SORCS2: variants seen among roughly 807,000 people sequenced by gnomAD.
SORCS2 encodes the protein VPS10 domain-containing receptor SorCS2.
Under a neutral mutation model 141.6 loss-of-function variants are expected in SORCS2, and 100 were observed. That is an observed-to-expected ratio of 0.71 (90% CI 0.60 to 0.83). The LOEUF is 0.83. SORCS2 is among the 40% of genes least tolerant of loss of function. The pLI, the probability that SORCS2 is intolerant of heterozygous loss-of-function variation, is 0.00. For synonymous variants in SORCS2, 789 were observed against 676.9 expected (o/e 1.17, Z -2.57); for missense variants, 1,646 against 1,560.2 (o/e 1.05, Z -0.93).
In SORCS2 at chr4:7,364,567, A is replaced by G. The variant is rs560833427; in HGVS notation, c.481-31721A>G. ...CTCCTCCTTCCTTGGGGCAATGCTC[A>G]TGGGTCAGGATGAGGTAAAGGGTCT... On this transcript the variant is annotated intron_variant, in intron 1 of 26. Transcript: ENST00000507866. Among the ~76,000 whole-genome samples the G allele has an allele frequency of 4.6e-5, 7 of 152,224 alleles. No homozygotes were observed. The South Asian group carries it at 1.2e-3, about 27-fold the overall frequency.
intron 2 of SORCS2, among the ~76,000 whole-genome samples, chr4:7,449,723 C>T (rs2109288572): frequency 6.6e-6 from 1 of 152,214 alleles, no homozygotes; most frequent in Middle Eastern, 3.4e-3. Context: ...AGCGGCTTCT[C>T]AGAAGACAGA....
At chr4:7,658,930 A>G (rs1194815535) in intron 5 of SORCS2, among the ~76,000 whole-genome samples, 1 of 152,240 alleles carries the variant, frequency 6.6e-6, no homozygotes, top group African/African-American at 2.4e-5. Flanking sequence ...CCTGCCCCCA[A>G]CGCTGAGTGG....
At chr4:7,481,966 C>CT (rs778424851) in intron 2 of SORCS2, among the ~76,000 whole-genome samples, 5 of 120,602 alleles carry the variant, frequency 4.1e-5, no homozygotes, top group African/African-American at 8.7e-5. Context: ...ACACCCCTGA[C>CT]GCTGTTCAGA....
chr4:7,328,835 C>T (rs544365658), intron 1 of SORCS2, among the ~76,000 whole-genome samples: 2 of 152,244 alleles, frequency 1.3e-5, no homozygotes, highest in African/African-American at 2.4e-5. Flanking sequence ...CAGCCCATCT[C>T]TACCGTCCCT....
intron 3 of SORCS2, among the ~76,000 whole-genome samples, chr4:7,606,873 T>G (rs1214786825): frequency 2.0e-5 from 3 of 152,308 alleles, no homozygotes; most frequent in East Asian, 3.9e-4. Flanking sequence ...TAATTACTTT[T>G]GCACCAACCT....
chr4:7,585,289 C>T (rs1053327571), intron 3 of SORCS2, among the ~76,000 whole-genome samples: 60 of 152,268 alleles, frequency 3.9e-4, no homozygotes, highest in Admixed American at 3.5e-3. Context: ...AGCTCTAGTG[C>T]GGCCTGCATT....
chr4:7,733,255 T>A, intron 23 of SORCS2, 67 bp from the exon 24 acceptor site: 1 of 994,096 alleles, frequency 1.0e-6, no homozygotes, highest in Non-Finnish European at 1.3e-6. Context: ...GAGGACCCCA[T>A]CCCCCTTCCC....
intron 2 of SORCS2, among the ~76,000 whole-genome samples, chr4:7,460,851 C>G (rs1186273054): frequency 6.6e-6 from 1 of 152,208 alleles, no homozygotes; most frequent in Non-Finnish European, 1.5e-5. Context: ...TCACAGTCGC[C>G]TCCTGAAGCC....
chr4:7,373,458 T>TATATA lies in SORCS2; in HGVS notation c.481-22830_481-22829insATATA, dbSNP rs60884163. ...TGTTGTATTGAATTGTGAGAAACTT[T>TATATA]TATATATATATATATATATATTTTT... is the stretch of plus-strand genomic sequence containing the variant. On this transcript the variant is annotated intron_variant, in intron 1 of 26. Transcript: ENST00000507866. Among the ~76,000 whole-genome samples, 27 of 82,828 alleles carry TATATA rather than the reference T, an allele frequency of 3.3e-4. 5 individuals carry two copies. The highest frequency in any genetic ancestry group is 2.5e-3 in the East Asian group (4 of 1,620). 54.3% of individuals were successfully genotyped at this position (82,828 alleles called of 152,430 possible).
chr4:7,507,480 T>C (rs1732340272), intron 2 of SORCS2, among the ~76,000 whole-genome samples: 1 of 152,222 alleles, frequency 6.6e-6, no homozygotes, highest in African/African-American at 2.4e-5. Context: ...GGCCGATAAA[T>C]TCTTTTAAAG....
intron 3 of SORCS2, among the ~76,000 whole-genome samples, chr4:7,548,453 C>T (rs142420741): frequency 1.2e-4 from 18 of 152,238 alleles, no homozygotes; most frequent in African/African-American, 2.2e-4. Flanking sequence ...ACTAAGTGCC[C>T]GCTGGAAGCT....
At chr4:7,324,955 GC>G (rs1719149070) in intron 1 of SORCS2, among the ~76,000 whole-genome samples, 1 of 152,234 alleles carries the variant, frequency 6.6e-6, no homozygotes, top group Non-Finnish European at 1.5e-5. Flanking sequence ...CTCTGGCTCT[GC>G]TGAGCGCCCT....
chr4:7,689,639 G>A, intron 11 of SORCS2, 51 bp downstream of exon 11: 2 of 1,499,036 alleles, frequency 1.3e-6, no homozygotes, highest in Non-Finnish European at 1.8e-6. Context: ...CAGCCCAAGA[G>A]TACCTCCAAT....
intron 22 of SORCS2, among the ~76,000 whole-genome samples, chr4:7,728,887 C>T (rs752643198): frequency 3.3e-5 from 5 of 152,204 alleles, no homozygotes; most frequent in Non-Finnish European, 7.3e-5. Context: ...GGGTGGCAGA[C>T]ATCAGGGCGG....
intron 1 of SORCS2, among the ~76,000 whole-genome samples, chr4:7,324,102 A>G (rs1719083111): frequency 6.6e-6 from 1 of 152,132 alleles, no homozygotes; most frequent in South Asian, 2.1e-4. Flanking sequence ...AGATCCCACA[A>G]CCAGCAGGTG....
intron 2 of SORCS2, among the ~76,000 whole-genome samples, chr4:7,438,567 G>A (rs1025020496): frequency 3.3e-5 from 5 of 152,028 alleles, no homozygotes; most frequent in Non-Finnish European, 7.4e-5. Flanking sequence ...TGATTAGTTT[G>A]TATTCTTCTG....
chr4:7,740,522 C>T lies in SORCS2; in HGVS notation c.*258C>T. On this transcript the variant is annotated 3_prime_UTR_variant, in exon 27 of 27. Transcript: ENST00000507866. The stretch of plus-strand genomic sequence containing the variant: ...GCCTGACTCAGGCAGGTTCTGCCCC[C>T]CAGACCCCACACACGGCCGCCCCAC... The T allele has an allele frequency of 1.9e-6, 1 of 538,496 alleles. No individual in the cohort carries two copies. Among genetic ancestry groups the T allele is most frequent in the East Asian group, 3.1e-5 (1 of 32,658 alleles). 33.4% of individuals were successfully genotyped at this position (538,496 alleles called of 1,614,324 possible).
At chr4:7,268,237 T>A (rs1182714676) in intron 1 of SORCS2, among the ~76,000 whole-genome samples, 1 of 152,214 alleles carries the variant, frequency 6.6e-6, no homozygotes. Flanking sequence ...GATGAAGGTT[T>A]CTGTCCTTTG....
intron 2 of SORCS2, among the ~76,000 whole-genome samples, chr4:7,466,478 G>A (rs1729624608): frequency 6.6e-6 from 1 of 152,194 alleles, no homozygotes; most frequent in Non-Finnish European, 1.5e-5. Flanking sequence ...ATGGAGAGAA[G>A]CAGTTTAATG....
Sources: allele counts gnomAD v4.1 joint callset (sites outside exome capture counted in the v4.1 genomes callset), GRCh38; gene constraint gnomAD v4.1.1; transcripts MANE v1.5; gene names NCBI Gene and HGNC (gene_info 2026-07-23, HGNC 2026-07-21).